Variants in MBD5 observed in about 807,000 individuals in gnomAD.
MBD5 encodes methyl-CpG-binding domain protein 5.
MBD5 carries 13 observed loss-of-function variants against 117.3 expected under a neutral mutation model. The ratio of observed to expected loss-of-function variants is 0.11; its 90% CI spans 0.07 to 0.18. MBD5 has a LOEUF of 0.18. Ranked by LOEUF, MBD5 falls within the 10% of genes least tolerant of loss-of-function variation. MBD5 has a pLI of 1.00. For synonymous variants in MBD5, 727 were observed against 766.4 expected, an observed-to-expected ratio of 0.95 and a Z score of 0.85; for missense variants, 1,879 against 2,093.8, an observed-to-expected ratio of 0.90 and a Z score of 2.00.
intron 5 of MBD5, among the ~76,000 whole-genome samples, chr2:148,461,567 G>A (rs1707083137): frequency 6.6e-6 from 1 of 152,160 alleles, no homozygotes; most frequent in African/African-American, 2.4e-5. Context: ...TATTGTTTCT[G>A]GATGAACTTG....
At chr2:148,268,592 A>G (rs1700913660) in intron 3 of MBD5, among the ~76,000 whole-genome samples, 1 of 151,388 alleles carries the variant, frequency 6.6e-6, no homozygotes, top group Non-Finnish European at 1.5e-5. Context: ...ATATAATATC[A>G]TGTTCTTATC....
chr2:148,477,423 GT>G (rs1347108855), intron 8 of MBD5, among the ~76,000 whole-genome samples: 16 of 151,976 alleles, frequency 1.1e-4, no homozygotes, highest in Non-Finnish European at 2.2e-4. Context: ...CTAAGATTTC[GT>G]TTCTATTGCT....
intron 2 of MBD5, among the ~76,000 whole-genome samples, chr2:148,227,682 T>C (rs1699868345): frequency 1.3e-5 from 2 of 152,198 alleles, no homozygotes; most frequent in African/African-American, 4.8e-5. Flanking sequence ...GGGATGGCAT[T>C]GAATCTATAA....
At chr2:148,243,022 C>A (rs1289890695) in intron 3 of MBD5, among the ~76,000 whole-genome samples, 2 of 152,072 alleles carry the variant, frequency 1.3e-5, no homozygotes, top group Non-Finnish European at 2.9e-5. Context: ...ATTACAGTTG[C>A]CATTCACATT....
intron 1 of MBD5, among the ~76,000 whole-genome samples, chr2:148,110,406 A>T (rs1459076578): frequency 1.3e-5 from 2 of 152,108 alleles, no homozygotes; most frequent in Non-Finnish European, 2.9e-5. Context: ...TCAGGTTCTT[A>T]TCTGTATTTC....
intron 4 of MBD5, among the ~76,000 whole-genome samples, chr2:148,397,618 C>T (rs1360825995): frequency 6.6e-6 from 1 of 151,966 alleles, no homozygotes; most frequent in Non-Finnish European, 1.5e-5. Context: ...CGTGAGCCAC[C>T]GCGCCCAGCC....
At chr2:148,382,918 A>G (rs1236414323) in intron 4 of MBD5, among the ~76,000 whole-genome samples, 6 of 151,526 alleles carry the variant, frequency 4.0e-5, no homozygotes, top group Non-Finnish European at 8.8e-5. Context: ...GAGAACAAAG[A>G]CACAACATAC....
intron 2 of MBD5, among the ~76,000 whole-genome samples, chr2:148,206,019 T>A (rs948563191): frequency 1.3e-5 from 2 of 151,610 alleles, no homozygotes; most frequent in African/African-American, 4.9e-5. Context: ...TGACTTGGGA[T>A]GCTGAGGTTG....
chr2:148,216,268 C>T (rs1449846770), intron 2 of MBD5, among the ~76,000 whole-genome samples: 1 of 151,930 alleles, frequency 6.6e-6, no homozygotes, highest in Non-Finnish European at 1.5e-5. Context: ...CATGCCTCAA[C>T]TGGTCAGCCA....
At chr2:148,489,094 G>A (rs1294741189) in intron 10 of MBD5, among the ~76,000 whole-genome samples, 1 of 152,056 alleles carries the variant, frequency 6.6e-6, no homozygotes, top group Non-Finnish European at 1.5e-5. Flanking sequence ...ACCTGAGTAC[G>A]TTTTCTGTCC....
chr2:148,423,648 G>A (rs751420862), intron 4 of MBD5, among the ~76,000 whole-genome samples: 2 of 151,842 alleles, frequency 1.3e-5, no homozygotes, highest in African/African-American at 2.4e-5. Context: ...TCAACTAATG[G>A]GCAAAATAAC....
intron 1 of MBD5, chr2:148,072,212 A>C (rs576612950): frequency 2.6e-5 from 4 of 152,330 alleles, no homozygotes; most frequent in African/African-American, 9.6e-5. Context: ...ATTCAAGTGA[A>C]AAATACCTTT....
chr2:148,380,784 C>T (rs960763730), intron 4 of MBD5, among the ~76,000 whole-genome samples: 2 of 152,244 alleles, frequency 1.3e-5, no homozygotes, highest in South Asian at 2.1e-4. Flanking sequence ...TCCAGAGGAA[C>T]GATCAGGCGG....
At position 148,152,578 on chromosome 2, in the gene MBD5, C is replaced by G. The variant is rs1375600100; in HGVS notation, c.-924-26122C>G. The stretch of plus-strand genomic sequence containing the variant: ...ATTATTAATGTGTGGGAGTCTAAGT[C>G]TCTTTGTAGGTCACTCAGGACTTGC... On this transcript the variant is annotated intron_variant, in intron 1 of 13. Coordinates refer to ENST00000642680, the MANE Select transcript of MBD5 (RefSeq NM_001378120.1). 2.0e-5 allele frequency among the ~76,000 whole-genome samples: 3 copies of G among 152,054 alleles called. No homozygotes were observed. The East Asian group carries it at 5.8e-4, about 29-fold the overall frequency.
intron 3 of MBD5, among the ~76,000 whole-genome samples, chr2:148,321,082 A>C (rs985725084): frequency 2.6e-5 from 4 of 152,208 alleles, no homozygotes; most frequent in African/African-American, 9.6e-5. Flanking sequence ...CTGTGGTCAA[A>C]TTAATTTGGT....
intron 3 of MBD5, among the ~76,000 whole-genome samples, chr2:148,321,717 G>T (rs1263106814): frequency 6.6e-6 from 1 of 151,814 alleles, no homozygotes; most frequent in East Asian, 1.9e-4. Context: ...CATTCCATTT[G>T]CTTACTCTCT....
At chr2:148,243,999 G>C (rs572498287) in intron 3 of MBD5, 34 of 151,152 alleles carry the variant, frequency 2.2e-4, no homozygotes, top group African/African-American at 8.3e-4. Flanking sequence ...GAACATAGTA[G>C]GTGTTCAAAA....
chr2:148,216,404 G>T (rs999304932), intron 2 of MBD5, among the ~76,000 whole-genome samples: 11 of 152,262 alleles, frequency 7.2e-5, no homozygotes, highest in Non-Finnish European at 1.5e-4. Flanking sequence ...ACTCCAGAAA[G>T]CAGTGCATTT....
intron 2 of MBD5, among the ~76,000 whole-genome samples, chr2:148,229,842 G>A (rs181768099): frequency 3.9e-5 from 6 of 152,132 alleles, no homozygotes; most frequent in Admixed American, 2.6e-4. Context: ...CTTTCCTCAC[G>A]TTCTCCAAAT....
Sources: gnomAD v4.1 joint callset for allele counts (sites outside exome capture counted in the v4.1 genomes callset) on GRCh38, gnomAD v4.1.1 for gene constraint, MANE v1.5 for transcripts, NCBI Gene and HGNC (gene_info 2026-07-23, HGNC 2026-07-21) for gene names.